Variants in RTN4RL1 observed in about 807,000 individuals in gnomAD.
RTN4RL1 encodes reticulon-4 receptor-like 1.
Under a neutral mutation model 25.6 loss-of-function variants are expected in RTN4RL1, and 7 were observed. The observed-to-expected ratio is 0.27, with a 90% confidence interval of 0.16 to 0.51. RTN4RL1 has a LOEUF of 0.51. RTN4RL1 is among the 20% of genes least tolerant of loss of function. RTN4RL1 has a pLI of 0.97. For missense variants in RTN4RL1, 500 were observed against 615.6 expected, an observed-to-expected ratio of 0.81 and a Z score of 1.99; for synonymous variants, 297 against 288.2, an observed-to-expected ratio of 1.03 and a Z score of -0.31.
rs930132997 is a variant in RTN4RL1, at chr17:2,011,545, G to A, written c.13+13308C>T. Among the ~76,000 whole-genome samples, 91 of 152,326 alleles carry A rather than the reference G, an allele frequency of 6.0e-4. 1 individual carries two copies. In the Middle Eastern group the frequency reaches 0.014, roughly 23 times the overall value. ...GGCTTTGGATGTGGGGCAAGAGGAG[G>A]AGCTGGCGGGGTGGAGGGAGAGGCC... On this transcript the variant is annotated intron_variant, in intron 1 of 1. Transcript: ENST00000331238.
intron 1 of RTN4RL1, among the ~76,000 whole-genome samples, chr17:1,996,512 C>A (rs536275912): frequency 6.6e-6 from 1 of 152,118 alleles, no homozygotes; most frequent in Admixed American, 6.5e-5. Flanking sequence ...CCTTGTGACC[C>A]CCCTCTTCCG....
At chr17:1,983,610 C>T (rs908115622) in intron 1 of RTN4RL1, among the ~76,000 whole-genome samples, 2 of 151,894 alleles carry the variant, frequency 1.3e-5, no homozygotes, top group Non-Finnish European at 2.9e-5. Context: ...CCAGGTGTGT[C>T]CAGGATGGTC....
chr17:1,977,427 C>T (rs113544295), intron 1 of RTN4RL1, among the ~76,000 whole-genome samples: 26 of 152,292 alleles, frequency 1.7e-4, no homozygotes, highest in African/African-American at 5.3e-4. Flanking sequence ...CGGGGTTCTC[C>T]CTGGATCCAC....
intron 1 of RTN4RL1, among the ~76,000 whole-genome samples, chr17:1,975,656 A>G (rs542459535): frequency 1.3e-5 from 2 of 152,254 alleles, no homozygotes; most frequent in East Asian, 3.9e-4. Flanking sequence ...GACTCAAAAA[A>G]GAAAAAGAAA....
rs866941372 is a variant in RTN4RL1, at chr17:1,998,752, G to T, written c.13+26101C>A. Among the ~76,000 whole-genome samples, 41 of 151,444 alleles carry T rather than the reference G, an allele frequency of 2.7e-4. No individual in the cohort carries two copies. The highest frequency in any genetic ancestry group is 9.4e-4 in the African/African-American group (39 of 41,278). ...CCTCGCAGCACAGACGGGGACAGGG[G>T]CGGCCTCGCGCGCACGGGGACCCCG... On this transcript the variant is annotated intron_variant, in intron 1 of 1. Coordinates refer to ENST00000331238, the MANE Select transcript of RTN4RL1 (RefSeq NM_178568.4). The surrounding 1 kb of genome is among the most constrained non-coding windows in gnomAD (Gnocchi z 4.9).
intron 1 of RTN4RL1, among the ~76,000 whole-genome samples, chr17:1,975,905 C>G (rs2066840831): frequency 6.6e-6 from 1 of 152,148 alleles, no homozygotes; most frequent in African/African-American, 2.4e-5. Flanking sequence ...AAGCCCACCC[C>G]TGAGACCAGA....
intron 1 of RTN4RL1, among the ~76,000 whole-genome samples, chr17:1,971,332 C>T (rs1335886291): frequency 1.3e-5 from 2 of 152,192 alleles, no homozygotes; most frequent in South Asian, 2.1e-4. Flanking sequence ...GAGGCCTCCC[C>T]AGTCACGCAG....
At chr17:1,982,608 C>T (rs1180332091) in intron 1 of RTN4RL1, among the ~76,000 whole-genome samples, 4 of 142,794 alleles carry the variant, frequency 2.8e-5, no homozygotes, top group East Asian at 1.9e-4. Flanking sequence ...AGCGAGACTC[C>T]GTCTCAAAAG....
rs940194213 is a variant in RTN4RL1 at position 1,937,629 on chromosome 17, G to A, written c.193C>T (p.Arg65Cys). The A allele has an allele frequency of 1.2e-6, 2 of 1,613,930 alleles. No homozygotes were observed. The highest frequency in any genetic ancestry group is 1.7e-6 in the Non-Finnish European group (2 of 1,179,852). Residue 65 changes from arginine to cysteine, a missense_variant, in exon 2 of 2, where the codon CGC (arginine) becomes TGC (cysteine). Transcript: ENST00000331238. ...TGGCCGGGCTGGAGGAGGCCGATGC[G>A]GTTGTTCTGCAGGAAGACGCGCTCG... is the stretch of plus-strand genomic sequence containing the variant. Reference protein sequence around the residue: ...DSERVFLQNNRIGLLQPGHFS... With the variant: ...DSERVFLQNNCIGLLQPGHFS...
Position 1,936,172 on chromosome 17 carries a change from C to A in RTN4RL1, c.*324G>T. 8.7e-7 allele frequency: 1 copy of A among 1,149,760 alleles called. No individual in the cohort carries two copies. The highest frequency in any genetic ancestry group is 1.1e-6 in the Non-Finnish European group (1 of 933,412). 71.2% of individuals were successfully genotyped at this position (1,149,760 alleles called of 1,614,324 possible). A position where few individuals can be genotyped will look rare whatever the true frequency, so the allele number is the denominator to read the frequency against. On this transcript the variant is annotated 3_prime_UTR_variant, in exon 2 of 2. Transcript: ENST00000331238. ...GGATTCCACAGAGCCCCGGTGCCGC[C>A]GTCGGGGGCAATTGTCCCACTGTTG...
intron 1 of RTN4RL1, among the ~76,000 whole-genome samples, chr17:1,992,247 C>T (rs1213818104): frequency 4.6e-5 from 7 of 151,512 alleles, no homozygotes; most frequent in African/African-American, 1.7e-4. Flanking sequence ...GCCTGCAGTC[C>T]CAGCTACTTG....
chr17:1,965,763 C>T (rs989684522), intron 1 of RTN4RL1, among the ~76,000 whole-genome samples: 2 of 152,146 alleles, frequency 1.3e-5, no homozygotes, highest in Admixed American at 6.5e-5. Flanking sequence ...CAGCGCTGAC[C>T]GACACCTGTC....
rs542976578 is a variant in RTN4RL1, at chr17:1,937,477, C to A, written c.345G>T (p.Thr115=). Residue 115 remains threonine, a synonymous_variant, in exon 2 of 2, where the codon ACG becomes ACT. Coordinates refer to ENST00000331238, the MANE Select transcript of RTN4RL1 (RefSeq NM_178568.4). ...GGCCCTGGAAGGTCTCGGGTGCCAG[C>A]GTCCGCAGCTGCCGGTTGTCGCCGA... ...LDLGDNRQLR[T]LAPETFQGLV... 1.9e-6 allele frequency: 3 copies of A among 1,613,822 alleles called. No homozygotes were observed. The highest frequency in any genetic ancestry group is 1.7e-5 in the Admixed American group (1 of 59,992).
At position 2,024,586 on chromosome 17, in the gene RTN4RL1, C is replaced by G. The variant is rs185454707; in HGVS notation, c.13+267G>C. ...GGCCGGCTCCCCTTCCACCACCGGC[C>G]GCTCACTCTGGTCTCCGACTGACCC... On this transcript the variant is annotated intron_variant, in intron 1 of 1. Coordinates refer to ENST00000331238, the MANE Select transcript of RTN4RL1 (RefSeq NM_178568.4). Among the ~76,000 whole-genome samples the G allele has an allele frequency of 8.5e-3, 1,292 of 152,276 alleles. 29 individuals carry two copies. Among genetic ancestry groups the G allele is most frequent in the African/African-American group, 0.029 (1,219 of 41,558 alleles).
chr17:2,004,367 C>CAAAAAAAAAAAAAAAAAA (rs58690992), intron 1 of RTN4RL1, among the ~76,000 whole-genome samples: 3 of 36,558 alleles, frequency 8.2e-5, no homozygotes, highest in Non-Finnish European at 1.2e-4. Flanking sequence ...GACTCTGTCT[C>CAAAAAAAAAAAAAAAAAA]AAAAAAAAAA....
At chr17:1,989,348 T>A (rs1049704430) in intron 1 of RTN4RL1, among the ~76,000 whole-genome samples, 1 of 151,996 alleles carries the variant, frequency 6.6e-6, no homozygotes, top group Non-Finnish European at 1.5e-5. Context: ...AGAGGCTTTT[T>A]TTTTTTTGGA....
chr17:1,957,507 T>A (rs1307525004), intron 1 of RTN4RL1, among the ~76,000 whole-genome samples: 2 of 152,198 alleles, frequency 1.3e-5, no homozygotes, highest in African/African-American at 4.8e-5. Context: ...AGGGTATTAA[T>A]AGCCTCATTT....
At chr17:1,950,818 C>T (rs1173166545) in intron 1 of RTN4RL1, among the ~76,000 whole-genome samples, 1 of 134,546 alleles carries the variant, frequency 7.4e-6, no homozygotes, top group Admixed American at 8.2e-5. Flanking sequence ...CGCACTCCAA[C>T]CTGGGCGACA....
Position 1,937,760 on chromosome 17 carries a change from AG to A in RTN4RL1, c.61del (p.Leu21TrpfsTer16). On this transcript the variant is annotated frameshift_variant, in exon 2 of 2. Transcript: ENST00000331238. LOFTEE classifies it high-confidence loss of function. ...LLLLVAAELP[L>X]GGGCPRDCVC... is the part of the protein sequence containing the mutation. ...ACAGTCCCGTGGGCAGCCACCACCCAGGGGCAGCTCCGCAGCTACCAACAGC... is the reference window on the plus strand; with the variant it reads ...ACAGTCCCGTGGGCAGCCACCACCCAGGGCAGCTCCGCAGCTACCAACAGC... 1 of 1,604,886 alleles carries A rather than the reference AG, an allele frequency of 6.2e-7. No homozygotes were observed. Among genetic ancestry groups the A allele is most frequent in the Non-Finnish European group, 8.5e-7 (1 of 1,179,080 alleles).
Sources: allele counts gnomAD v4.1 joint callset (sites outside exome capture counted in the v4.1 genomes callset), GRCh38; gene constraint gnomAD v4.1.1; non-coding constraint Gnocchi (gnomAD v3.1); transcripts MANE v1.5; gene names NCBI Gene and HGNC (gene_info 2026-07-23, HGNC 2026-07-21).